Variants in DERA observed in about 807,000 individuals in gnomAD.
The protein encoded by DERA is deoxyribose-phosphate aldolase.
In DERA, 15 loss-of-function variants were observed where a neutral mutation model predicts 41.1. The observed-to-expected ratio is 0.37, with a 90% CI of 0.24 to 0.56. The LOEUF (loss-of-function observed/expected upper bound fraction) is 0.56, where lower values mean the gene tolerates loss of function less well. DERA is among the 20% of genes least tolerant of loss of function. The pLI, the probability that DERA is intolerant of heterozygous loss-of-function variation, is 0.81. For missense variants in DERA, 396 were observed against 403.4 expected (o/e 0.98, Z 0.16); for synonymous variants, 139 against 137.4 (o/e 1.01, Z -0.08).
At position 15,941,902 on chromosome 12, in the gene DERA, C is replaced by G. The variant is rs1417778709; in HGVS notation, c.32-15034C>G. Among the ~76,000 whole-genome samples the G allele has an allele frequency of 6.6e-6, 1 of 152,138 alleles. No homozygotes were observed. The highest frequency in any genetic ancestry group is 2.4e-5 in the African/African-American group (1 of 41,432). Reference sequence around the variant, plus strand: ...GGGAAGATACCTAATAGTGGGATTGCTGGATTGAATGGTAAGTTCTTTAAG... The same window carrying G: ...GGGAAGATACCTAATAGTGGGATTGGTGGATTGAATGGTAAGTTCTTTAAG... On this transcript the variant is annotated intron_variant, in intron 1 of 8. Coordinates refer to ENST00000428559, the MANE Select transcript of DERA (RefSeq NM_015954.4). The surrounding 1 kb of genome is among the most constrained non-coding windows in gnomAD (Gnocchi z 4.5).
Position 15,958,331 on chromosome 12 carries a change from TA to T in DERA, c.276del (p.Gly93AlafsTer18). The T allele has an allele frequency of 6.2e-7, 1 of 1,601,400 alleles. No individual in the cohort carries two copies. The highest frequency in any genetic ancestry group is 8.5e-7 in the Non-Finnish European group (1 of 1,174,696). On this transcript the variant is annotated frameshift_variant, in exon 3 of 9. Coordinates refer to ENST00000428559, the MANE Select transcript of DERA (RefSeq NM_015954.4). LOFTEE classifies it high-confidence loss of function. ...DLLKALNMHD[K>X]GITTAAVCVY... The stretch of plus-strand genomic sequence containing the variant: ...TCTTAAAAGCTTTAAATATGCATGA[TA>T]AAGGTAATGTTGTTGTGTGTGATCT...
At chr12:15,977,197 G>A (rs1388998013) in intron 5 of DERA, among the ~76,000 whole-genome samples, 1 of 152,126 alleles carries the variant, frequency 6.6e-6, no homozygotes, top group African/African-American at 2.4e-5. Flanking sequence ...GAACTAGAAG[G>A]GAGTTGACAT....
At position 15,956,935 on chromosome 12, in the gene DERA, G is replaced by A. The variant is rs763017089; in HGVS notation, c.32-1G>A. On this transcript the variant is annotated splice_acceptor_variant, in intron 1 of 8. Coordinates refer to ENST00000428559, the MANE Select transcript of DERA (RefSeq NM_015954.4). LOFTEE classifies it high-confidence loss of function. ...AGAAAGTGTTTTTCTGTCTGTTTTA[G>A]ACCTTAGCTGGATCTCCAAAATACA... 17 of 1,612,396 alleles carry A rather than the reference G, an allele frequency of 1.1e-5. No individual in the cohort carries two copies. Among genetic ancestry groups the A allele is most frequent in the Non-Finnish European group, 1.4e-5 (17 of 1,178,616 alleles).
intron 1 of DERA, among the ~76,000 whole-genome samples, chr12:15,929,251 G>A (rs1370585468): frequency 6.6e-6 from 1 of 152,224 alleles, no homozygotes; most frequent in Middle Eastern, 3.2e-3. Flanking sequence ...TGACTTGTCA[G>A]AGCATTTGAA....
Position 16,033,581 on chromosome 12 carries a change from TTGTGTGTGTGTGTGTG to T in DERA, c.750+955_750+970del, listed in dbSNP as rs146182174. ...TTTTTTACATGATTGGAGAGCAAGGTTGTGTGTGTGTGTGTGTGTGTGTGTGTGTGTGTGTGTGTGT... is the reference window on the plus strand; with the variant it reads ...TTTTTTACATGATTGGAGAGCAAGGTTGTGTGTGTGTGTGTGTGTGTGTGT... On this transcript the variant is annotated intron_variant, in intron 7 of 8. Transcript: ENST00000428559. Among the ~76,000 whole-genome samples, 17 of 127,710 alleles carry T rather than the reference TTGTGTGTGTGTGTGTG, an allele frequency of 1.3e-4. No homozygotes were observed. In the East Asian group the frequency reaches 2.0e-3, roughly 15 times the overall value. 83.8% of individuals were successfully genotyped at this position (127,710 alleles called of 152,430 possible).
intron 5 of DERA, among the ~76,000 whole-genome samples, chr12:15,979,749 A>T (rs1405206783): frequency 1.3e-5 from 2 of 152,268 alleles, no homozygotes; most frequent in Admixed American, 6.5e-5. Context: ...GACCACTTGC[A>T]GTTCATTCTG....
chr12:16,036,403 TG>T lies in DERA; in HGVS notation c.900+24del. 1.9e-6 allele frequency: 3 copies of T among 1,565,038 alleles called. No homozygotes were observed. Among genetic ancestry groups the T allele is most frequent in the Non-Finnish European group, 2.6e-6 (3 of 1,159,888 alleles). Reference sequence around the variant, plus strand: ...GCAGGTGAGTAATCATCTCTGTCTTTGGAATAAATTAACAAGTGTTTTTTGA... The same window carrying T: ...GCAGGTGAGTAATCATCTCTGTCTTTGAATAAATTAACAAGTGTTTTTTGA... On this transcript the variant is annotated intron_variant, in intron 8 of 8. Transcript: ENST00000428559. This position sits in a 1 kb window ranked among gnomAD's most constrained non-coding sequence, Gnocchi z 4.9.
chr12:16,036,136 G>A lies in DERA; in HGVS notation c.751-96G>A, dbSNP rs915514111. 6 of 1,153,318 alleles carry A rather than the reference G, an allele frequency of 5.2e-6. No individual in the cohort carries two copies. Among genetic ancestry groups the A allele is most frequent in the Non-Finnish European group, 5.7e-6 (5 of 882,856 alleles). 71.4% of individuals were successfully genotyped at this position (1,153,318 alleles called of 1,614,324 possible). ...AAAAGATTTTTTTTCAACAAAAGAG[G>A]GAGAGAGAGAATCAAGACTCTGATA... On this transcript the variant is annotated intron_variant, in intron 7 of 8. Transcript: ENST00000428559. This position sits in a 1 kb window ranked among gnomAD's most constrained non-coding sequence, Gnocchi z 4.9.
Position 16,008,460 on chromosome 12 carries a change from A to G in DERA, c.638-24082A>G, listed in dbSNP as rs1159572645. 6.6e-6 allele frequency among the ~76,000 whole-genome samples: 1 copy of G among 152,200 alleles called. No individual in the cohort carries two copies. The highest frequency in any genetic ancestry group is 1.5e-5 in the Non-Finnish European group (1 of 68,030). On this transcript the variant is annotated intron_variant, in intron 6 of 8. Transcript: ENST00000428559. This position sits in a 1 kb window ranked among gnomAD's most constrained non-coding sequence, Gnocchi z 4.8. ...TGTCTTAGGGGTGTCAGCTGCACAGAGCAGAGTGTGTGAGGGAAGGATAAC... is the reference window on the plus strand; with the variant it reads ...TGTCTTAGGGGTGTCAGCTGCACAGGGCAGAGTGTGTGAGGGAAGGATAAC...
At position 16,018,634 on chromosome 12, in the gene DERA, G is replaced by A. The variant is rs185088678; in HGVS notation, c.638-13908G>A. On this transcript the variant is annotated intron_variant, in intron 6 of 8. Coordinates refer to ENST00000428559, the MANE Select transcript of DERA (RefSeq NM_015954.4). ...TTCTGTTTGACCAAATTGATTAGAAGACCATATACAAGGGCAGCTGTTGTT... is the reference window on the plus strand; with the variant it reads ...TTCTGTTTGACCAAATTGATTAGAAAACCATATACAAGGGCAGCTGTTGTT... Among the ~76,000 whole-genome samples the A allele has an allele frequency of 1.8e-4, 28 of 152,186 alleles. No homozygotes were observed. The East Asian group carries it at 5.2e-3, about 28-fold the overall frequency.
Position 15,966,105 on chromosome 12 carries a change from C to T in DERA, c.508+3158C>T, listed in dbSNP as rs766624137. ...TGACTAAAATTCTGAAAAGAAGGCC[C>T]GATGCGGTGGCTCACACCTGTAATC... On this transcript the variant is annotated intron_variant, in intron 5 of 8. Coordinates refer to ENST00000428559, the MANE Select transcript of DERA (RefSeq NM_015954.4). The surrounding 1 kb of genome is among the most constrained non-coding windows in gnomAD (Gnocchi z 5.1). Among the ~76,000 whole-genome samples, 31 of 152,192 alleles carry T rather than the reference C, an allele frequency of 2.0e-4. No individual in the cohort carries two copies. The highest frequency in any genetic ancestry group is 3.7e-4 in the Non-Finnish European group (25 of 68,014).
Position 16,032,655 on chromosome 12 carries a change from G to A in DERA, c.750+1G>A. On this transcript the variant is annotated splice_donor_variant, in intron 7 of 8. Coordinates refer to ENST00000428559, the MANE Select transcript of DERA (RefSeq NM_015954.4). LOFTEE classifies it high-confidence loss of function. ...TTTCTTCTGGAAAACTGGAAACAAGGTATATTATTGCCAGCAAATCTTTCT... is the reference window on the plus strand; with the variant it reads ...TTTCTTCTGGAAAACTGGAAACAAGATATATTATTGCCAGCAAATCTTTCT... 2 of 1,508,120 alleles carry A rather than the reference G, an allele frequency of 1.3e-6. No individual in the cohort carries two copies. The highest frequency in any genetic ancestry group is 1.8e-6 in the Non-Finnish European group (2 of 1,105,698). The allele number at this position is 1,508,120 out of a possible 1,614,324, so 93.4% of individuals were successfully genotyped here.
chr12:15,955,725 G>A (rs1479994895), intron 1 of DERA, among the ~76,000 whole-genome samples: 3 of 152,276 alleles, frequency 2.0e-5, no homozygotes, highest in Non-Finnish European at 2.9e-5. Context: ...TAAGAAGAAT[G>A]AAATGAAAAT....
At position 15,938,370 on chromosome 12, in the gene DERA, AC is replaced by A. The variant is rs1261997599; in HGVS notation, c.32-18565del. Among the ~76,000 whole-genome samples, 1 of 152,194 alleles carries A rather than the reference AC, an allele frequency of 6.6e-6. No individual in the cohort carries two copies. The highest frequency in any genetic ancestry group is 2.4e-5 in the African/African-American group (1 of 41,452). ...TTCAAGAGAAAATAGTTCCATTCAA[AC>A]AGTAAAAAATTCATTCTAACACTAA... On this transcript the variant is annotated intron_variant, in intron 1 of 8. Coordinates refer to ENST00000428559, the MANE Select transcript of DERA (RefSeq NM_015954.4). This position sits in a 1 kb window ranked among gnomAD's most constrained non-coding sequence, Gnocchi z 4.1.
chr12:15,911,648 A>G lies in DERA; in HGVS notation c.31+234A>G, dbSNP rs1028120773. ...TACTCTTGTATGCGGAAGGAGTAGG[A>G]AAGGGTTAGATTATTATCTTCCTGC... On this transcript the variant is annotated intron_variant, in intron 1 of 8. Transcript: ENST00000428559. This position sits in a 1 kb window ranked among gnomAD's most constrained non-coding sequence, Gnocchi z 4.5. The G allele has an allele frequency of 2.9e-6, 2 of 694,918 alleles. No homozygotes were observed. The highest frequency in any genetic ancestry group is 2.6e-6 in the Non-Finnish European group (1 of 380,792). 43.0% of individuals were successfully genotyped at this position (694,918 alleles called of 1,614,324 possible).
At chr12:16,002,372 A>G (rs1276907934) in intron 6 of DERA, among the ~76,000 whole-genome samples, 2 of 152,160 alleles carry the variant, frequency 1.3e-5, no homozygotes, top group South Asian at 2.1e-4. Flanking sequence ...CTTATGTGTG[A>G]CCAGGAACTA....
At chr12:15,932,640 T>TA (rs1031142921) in intron 1 of DERA, among the ~76,000 whole-genome samples, 108 of 144,938 alleles carry the variant, frequency 7.5e-4, no homozygotes, top group African/African-American at 2.1e-3. Flanking sequence ...AGAACCTGTT[T>TA]AAAAAAAAAA....
Position 15,982,380 on chromosome 12 carries a change from G to A in DERA, c.581G>A (p.Gly194Glu), listed in dbSNP as rs528639743. Residue 194 changes from glycine (G) to glutamate (E), a missense_variant, in exon 6 of 9, where the codon GGA becomes GAA. Gly to Glu is a moderately conservative substitution (Grantham distance 98). Transcript: ENST00000428559. This position sits in a 1 kb window ranked among gnomAD's most constrained non-coding sequence, Gnocchi z 4.0. The part of the protein sequence containing the change: ...EAHLKTILAT[G>E]ELGTLTNVYK... ...CATCTTAAAACTATATTAGCGACAG[G>A]AGAACTTGGAACTCTTACTAATGTC... The A allele has an allele frequency of 2.2e-4, 351 of 1,613,862 alleles. 8 individuals are homozygous for A. In the South Asian group the frequency reaches 3.1e-3, roughly 14 times the overall value.
chr12:15,969,668 AT>A (rs1397339153), intron 5 of DERA, among the ~76,000 whole-genome samples: 1 of 152,160 alleles, frequency 6.6e-6, no homozygotes, highest in East Asian at 1.9e-4. Flanking sequence ...AAGTCACATT[AT>A]TTTTCATTTT....
Sources: gnomAD v4.1 joint callset for allele counts (sites outside exome capture counted in the v4.1 genomes callset) on GRCh38, gnomAD v4.1.1 for gene constraint, Gnocchi (gnomAD v3.1) non-coding constraint, MANE v1.5 for transcripts, NCBI Gene and HGNC (gene_info 2026-07-23, HGNC 2026-07-21) for gene names.